Variants in AP3B1 observed in about 807,000 individuals in gnomAD.
The protein encoded by AP3B1 is AP-3 complex subunit beta-1.
AP3B1 carries 61 observed loss-of-function variants against 132.5 expected under a neutral mutation model. The observed-to-expected ratio is 0.46, with a 90% CI of 0.37 to 0.57. The LOEUF (loss-of-function observed/expected upper bound fraction) is 0.57, where lower values mean the gene tolerates loss of function less well. Ranked by LOEUF, AP3B1 falls within the 20% of genes least tolerant of loss-of-function variation. AP3B1 has a pLI of 0.00. For missense variants in AP3B1, 1,120 were observed against 1,289.4 expected (o/e 0.87, Z 2.01); for synonymous variants, 388 against 438.3 (o/e 0.89, Z 1.43).
chr5:78,047,154 A>G (rs1216198270), intron 22 of AP3B1, among the ~76,000 whole-genome samples: 2 of 152,234 alleles, frequency 1.3e-5, no homozygotes, highest in African/African-American at 4.8e-5. Context: ...TAGTGCTGCA[A>G]TAAACATACG....
intron 2 of AP3B1, among the ~76,000 whole-genome samples, chr5:78,256,131 T>A (rs866603564): frequency 1.3e-5 from 2 of 148,174 alleles, no homozygotes; most frequent in Non-Finnish European, 3.0e-5. Context: ...AAAGCAGGAG[T>A]GAACAAAACA....
chr5:78,054,180 C>T (rs756907577), intron 22 of AP3B1, among the ~76,000 whole-genome samples: 4 of 152,044 alleles, frequency 2.6e-5, no homozygotes, highest in African/African-American at 7.2e-5. Flanking sequence ...ATTGAAAGGA[C>T]GAAAAACTGA....
intron 21 of AP3B1, among the ~76,000 whole-genome samples, chr5:78,100,406 T>G (rs1267155276): frequency 6.6e-6 from 1 of 152,140 alleles, no homozygotes; most frequent in Non-Finnish European, 1.5e-5. Flanking sequence ...TTTGTACACT[T>G]GGGTGAATAT....
chr5:78,081,639 T>C (rs1373646616), intron 22 of AP3B1, among the ~76,000 whole-genome samples: 2 of 152,284 alleles, frequency 1.3e-5, no homozygotes, highest in East Asian at 3.9e-4. Flanking sequence ...TGTAACACTA[T>C]CCTTGGTTGT....
intron 15 of AP3B1, among the ~76,000 whole-genome samples, chr5:78,135,734 C>T (rs561610064): frequency 6.6e-6 from 1 of 152,200 alleles, no homozygotes; most frequent in African/African-American, 2.4e-5. Flanking sequence ...AGATGACATA[C>T]TATTAGAGTT....
At chr5:78,116,069 G>T in intron 18 of AP3B1, 57 bp downstream of exon 18, 1 of 1,276,522 alleles carries the variant, frequency 7.8e-7, no homozygotes, top group Non-Finnish European at 1.1e-6. Flanking sequence ...TTGTTTCTGA[G>T]ATATAGAATG....
intron 22 of AP3B1, among the ~76,000 whole-genome samples, chr5:78,054,783 G>A (rs773381883): frequency 6.6e-6 from 1 of 152,128 alleles, no homozygotes; most frequent in Non-Finnish European, 1.5e-5. Flanking sequence ...AGGTCCTGGC[G>A]ATAAGGAAAG....
At position 78,213,980 on chromosome 5, in the gene AP3B1, A is replaced by T. The variant is rs1339117563; in HGVS notation, c.786+2075T>A. Among the ~76,000 whole-genome samples the T allele has an allele frequency of 2.6e-5, 4 of 152,336 alleles. No homozygotes were observed. The South Asian group carries it at 8.3e-4, about 32-fold the overall frequency. ...TTTGAAACAGTGGCAAAAGCCCAAA[A>T]AGCTGCACAGTCTAGAGCACCCCTG... On this transcript the variant is annotated intron_variant, in intron 7 of 26. Transcript: ENST00000255194.
Position 78,089,397 on chromosome 5 carries a change from A to T in AP3B1, c.2573T>A (p.Ile858Asn). Residue 858 changes from isoleucine to asparagine, a missense_variant, in exon 22 of 27, where the codon ATC (isoleucine) becomes AAC (asparagine). By Grantham distance (149) the Ile-to-Asn change is moderately radical (BLOSUM62 -3). Coordinates refer to ENST00000255194, the MANE Select transcript of AP3B1 (RefSeq NM_003664.5). ...TGGATTTTAAAAATAACTTACACTG[A>T]TGACTGAAGAGGAAGTTGACAAGTG... Reference protein sequence around the residue: ...GLHLSTSSSVISVSTPAFVPT... With the variant: ...GLHLSTSSSVNSVSTPAFVPT... 6.2e-7 allele frequency: 1 copy of T among 1,604,230 alleles called. No homozygotes were observed. The highest frequency in any genetic ancestry group is 8.5e-7 in the Non-Finnish European group (1 of 1,171,160).
chr5:78,188,649 C>T (rs182526480), intron 7 of AP3B1, among the ~76,000 whole-genome samples: 24 of 152,286 alleles, frequency 1.6e-4, no homozygotes, highest in Admixed American at 1.6e-3. Flanking sequence ...TTAGTACAAT[C>T]ATTGTTGAAG....
At chr5:78,294,098 T>C (rs1561227010) in intron 1 of AP3B1, among the ~76,000 whole-genome samples, 1 of 152,160 alleles carries the variant, frequency 6.6e-6, no homozygotes. Flanking sequence ...TAAAGTCTGA[T>C]CCGGCGAACG....
At chr5:78,232,908 T>C (rs1286943645) in intron 3 of AP3B1, among the ~76,000 whole-genome samples, 1 of 151,896 alleles carries the variant, frequency 6.6e-6, no homozygotes, top group Non-Finnish European at 1.5e-5. Context: ...GGTTTTGCCA[T>C]GCTGGCCAGA....
chr5:78,046,950 G>T (rs971657755), intron 22 of AP3B1, among the ~76,000 whole-genome samples: 1 of 152,048 alleles, frequency 6.6e-6, no homozygotes, highest in Non-Finnish European at 1.5e-5. Context: ...GAGAACATGC[G>T]GTGTTTGGTT....
intron 2 of AP3B1, among the ~76,000 whole-genome samples, chr5:78,249,512 G>A (rs550935697): frequency 6.6e-6 from 1 of 150,850 alleles, no homozygotes; most frequent in Non-Finnish European, 1.5e-5. Flanking sequence ...CCTTTAGAAT[G>A]AACCAACAAA....
chr5:78,130,685 A>C (rs1303397783), intron 15 of AP3B1, among the ~76,000 whole-genome samples: 1 of 152,086 alleles, frequency 6.6e-6, no homozygotes, highest in Non-Finnish European at 1.5e-5. Flanking sequence ...CCAACTTAAA[A>C]GAAAATGTGG....
chr5:78,228,724 G>A (rs1056076893), intron 3 of AP3B1, among the ~76,000 whole-genome samples: 10 of 152,032 alleles, frequency 6.6e-5, no homozygotes, highest in Non-Finnish European at 1.5e-4. Flanking sequence ...TTGGGCCCAG[G>A]CCACTAACTA....
chr5:78,270,066 C>T (rs1382909908), intron 1 of AP3B1, among the ~76,000 whole-genome samples: 1 of 152,042 alleles, frequency 6.6e-6, no homozygotes. Context: ...GAGTGCATCA[C>T]CACACCCAGC....
intron 22 of AP3B1, among the ~76,000 whole-genome samples, chr5:78,052,943 G>C (rs541432584): frequency 6.6e-6 from 1 of 152,240 alleles, no homozygotes; most frequent in African/African-American, 2.4e-5. Context: ...AATAAAAACA[G>C]ACTGAATTTG....
At chr5:78,264,670 A>T (rs1748244194) in intron 2 of AP3B1, among the ~76,000 whole-genome samples, 1 of 152,240 alleles carries the variant, frequency 6.6e-6, no homozygotes. Flanking sequence ...AATCCTTTAA[A>T]GCATACATAG....
Sources: gnomAD v4.1 joint callset for allele counts (sites outside exome capture counted in the v4.1 genomes callset) on GRCh38, gnomAD v4.1.1 for gene constraint, MANE v1.5 for transcripts, NCBI Gene and HGNC (gene_info 2026-07-23, HGNC 2026-07-21) for gene names.